The following FIRRM variants were observed in gnomAD, a reference collection of about 807,000 sequenced individuals.
The protein encoded by FIRRM is FIGNL1-interacting regulator of recombination and mitosis.
At chr1:169,813,718 T>C in the FIRRM span, among the ~76,000 whole-genome samples, 1 of 152,178 alleles carries the variant, frequency 6.6e-6, no homozygotes, top group Non-Finnish European at 1.5e-5. Flanking sequence ...AGGAGACATA[T>C]TACATATAGC....
At chr1:169,830,855 A>G in the FIRRM span, 1 of 1,037,026 alleles carries the variant, frequency 9.6e-7, no homozygotes, top group Admixed American at 1.8e-5. Context: ...CACAGTAACA[A>G]GATTGTTTTG....
the FIRRM span, among the ~76,000 whole-genome samples, chr1:169,810,808 T>G: frequency 6.6e-6 from 1 of 150,914 alleles, no homozygotes; most frequent in African/African-American, 2.4e-5. Flanking sequence ...AATGTATAGT[T>G]TTAACATATA....
At chr1:169,803,981 G>A in the FIRRM span, 7 of 749,078 alleles carry the variant, frequency 9.3e-6, no homozygotes, top group South Asian at 2.7e-4. Flanking sequence ...ATGTGATTCA[G>A]TAAATTTATG....
At chr1:169,806,170 G>A in the FIRRM span, 1 of 795,022 alleles carries the variant, frequency 1.3e-6, no homozygotes, top group South Asian at 1.7e-5. Context: ...TCTTTAGATT[G>A]CATTTAAAAC....
At chr1:169,795,550 T>C in the FIRRM span, 11 of 1,065,064 alleles carry the variant, frequency 1.0e-5, no homozygotes, top group Non-Finnish European at 1.3e-5. Context: ...TAGTGGATAA[T>C]GGGGGAGGCA....
chr1:169,818,339 C>A, the FIRRM span, among the ~76,000 whole-genome samples: 1 of 152,186 alleles, frequency 6.6e-6, no homozygotes, highest in African/African-American at 2.4e-5. Flanking sequence ...GTCCCCAGGC[C>A]TTACCTAGAA....
the FIRRM span, chr1:169,852,773 T>TTATG: frequency 2.0e-5 from 33 of 1,612,312 alleles, no homozygotes; most frequent in African/African-American, 2.7e-5. Context: ...GTGATATTAC[T>TTATG]TATGTTTTTT....
chr1:169,848,562 CTTTTA>C, the FIRRM span, among the ~76,000 whole-genome samples: 8 of 152,126 alleles, frequency 5.3e-5, no homozygotes, highest in Admixed American at 5.2e-4. Context: ...CTAAGGGGCT[CTTTTA>C]TTTGTTCATA....
the FIRRM span, among the ~76,000 whole-genome samples, chr1:169,797,959 G>A: frequency 6.6e-6 from 1 of 152,144 alleles, no homozygotes; most frequent in South Asian, 2.1e-4. Flanking sequence ...AGAATTTATT[G>A]TCGTGTATTT....
the FIRRM span, chr1:169,842,616 A>G: frequency 2.0e-6 from 3 of 1,523,042 alleles, no homozygotes; most frequent in Non-Finnish European, 2.7e-6. Context: ...GAAATTTTCC[A>G]GTGTAGAGTA....
At chr1:169,793,690 G>T in the FIRRM span, 1 of 1,575,006 alleles carries the variant, frequency 6.3e-7, no homozygotes, top group Non-Finnish European at 8.6e-7. Context: ...TAAACTGAAA[G>T]GTCATCCTCT....
chr1:169,847,635 T>C, the FIRRM span: 1 of 1,257,770 alleles, frequency 8.0e-7, no homozygotes, highest in Non-Finnish European at 1.1e-6. Flanking sequence ...AGTTATTGTG[T>C]CTGTACAAAA....
the FIRRM span, chr1:169,827,043 C>T: frequency 8.7e-6 from 14 of 1,607,366 alleles, 1 homozygote; most frequent in African/African-American, 1.6e-4. Flanking sequence ...TTTTCTCTCC[C>T]TTCCCAGCAA....
the FIRRM span, among the ~76,000 whole-genome samples, chr1:169,849,150 GAT>G: frequency 6.6e-6 from 1 of 152,184 alleles, no homozygotes. Flanking sequence ...TTTGAAATGG[GAT>G]ATATAGTTAG....
the FIRRM span, chr1:169,847,865 T>G: frequency 8.7e-7 from 1 of 1,154,768 alleles, no homozygotes; most frequent in African/African-American, 1.6e-5. Flanking sequence ...AGTTAGTGAT[T>G]AAGGGATTTT....
the FIRRM span, among the ~76,000 whole-genome samples, chr1:169,785,204 G>A: frequency 6.6e-6 from 1 of 152,206 alleles, no homozygotes; most frequent in South Asian, 2.1e-4. Flanking sequence ...TCATAGGAGG[G>A]GGAGCACACA....
chr1:169,794,299 G>C, the FIRRM span, among the ~76,000 whole-genome samples: 1 of 152,180 alleles, frequency 6.6e-6, no homozygotes, highest in African/African-American at 2.4e-5. Context: ...AAGAGGTGCA[G>C]TATTTTATTT....
At chr1:169,847,783 T>C in the FIRRM span, 2 of 1,606,616 alleles carry the variant, frequency 1.2e-6, no homozygotes, top group Non-Finnish European at 1.7e-6. Context: ...AGGAAAACTT[T>C]TTATACCTGA....
the FIRRM span, chr1:169,842,687 C>A: frequency 1.2e-6 from 1 of 833,566 alleles, no homozygotes; most frequent in Non-Finnish European, 1.8e-6. Flanking sequence ...AGTACCTGTA[C>A]TCTCTCACGC....
Sources: allele counts gnomAD v4.1 joint callset (sites outside exome capture counted in the v4.1 genomes callset), GRCh38; gene constraint gnomAD v4.1.1; transcripts MANE v1.5; gene names NCBI Gene and HGNC (gene_info 2026-07-23, HGNC 2026-07-21).